Variants in LRRTM4 observed in about 807,000 individuals in gnomAD.
LRRTM4 encodes leucine rich repeat transmembrane neuronal 4, also known as leucine-rich repeat transmembrane neuronal protein 4.
LRRTM4 carries 25 observed loss-of-function variants against 47.6 expected under a neutral mutation model. The ratio of observed to expected loss-of-function variants is 0.53; its 90% CI spans 0.38 to 0.73. The LOEUF is 0.73. Ranked by LOEUF, LRRTM4 falls within the 30% of genes least tolerant of loss-of-function variation. LRRTM4 has a pLI of 0.00. For synonymous variants in LRRTM4, 311 were observed against 269.5 expected (o/e 1.15, Z -1.51); for missense variants, 638 against 713.4 (o/e 0.89, Z 1.20).
chr2:77,135,424 G>A (rs1437819485), intron 3 of LRRTM4, among the ~76,000 whole-genome samples: 1 of 152,160 alleles, frequency 6.6e-6, no homozygotes. Flanking sequence ...ACCCTAATGA[G>A]AACAAACTCT....
chr2:77,004,983 C>G lies in LRRTM4; in HGVS notation c.1552-256067G>C, dbSNP rs570009052. ...ATGGGTATATTTACCAATGCCTGTA[C>G]CCCAGTTGTATCTAAAAAGTAATTA... On this transcript the variant is annotated intron_variant, in intron 3 of 3. Coordinates refer to ENST00000409884, the MANE Select transcript of LRRTM4 (RefSeq NM_001134745.3). Among the ~76,000 whole-genome samples the G allele has an allele frequency of 1.3e-4, 20 of 152,198 alleles. 1 individual carries two copies. In the South Asian group the frequency reaches 3.3e-3, roughly 25 times the overall value.
chr2:77,285,357 T>TATATATATATATATATATATATATATAC (rs1225916450), intron 3 of LRRTM4, among the ~76,000 whole-genome samples: 1 of 143,114 alleles, frequency 7.0e-6, no homozygotes, highest in Non-Finnish European at 1.5e-5. Context: ...TATATATATA[T>TATATATATATATATATATATATATATAC]ATATATGGCC....
At chr2:77,045,101 T>A (rs1679190424) in intron 3 of LRRTM4, among the ~76,000 whole-genome samples, 1 of 151,902 alleles carries the variant, frequency 6.6e-6, no homozygotes, top group Non-Finnish European at 1.5e-5. Context: ...TTTAGCAGAA[T>A]ATACAAATGA....
intron 3 of LRRTM4, among the ~76,000 whole-genome samples, chr2:76,978,392 T>C (rs891531186): frequency 4.6e-5 from 7 of 152,208 alleles, no homozygotes; most frequent in Non-Finnish European, 1.5e-5. Context: ...TGATGATGAA[T>C]GGTAATGGCT....
chr2:76,898,269 A>T (rs1428286755), intron 3 of LRRTM4, among the ~76,000 whole-genome samples: 3 of 144,482 alleles, frequency 2.1e-5, no homozygotes, highest in Non-Finnish European at 4.4e-5. Flanking sequence ...AACAATTAGC[A>T]ATTTTAAATG....
In LRRTM4 at chr2:77,435,415, T is replaced by C. The variant is rs17014096; in HGVS notation, c.1551+82903A>G. Among the ~76,000 whole-genome samples the C allele has an allele frequency of 8.6e-3, 1,316 of 152,312 alleles. 19 individuals carry two copies. The highest frequency in any genetic ancestry group is 0.03 in the African/African-American group (1,248 of 41,574). ...GCTATTCCTTAAAGAAATTGCTGTATTGCTTAGCTAAACATTCTTAGGTCA... is the reference window on the plus strand; with the variant it reads ...GCTATTCCTTAAAGAAATTGCTGTACTGCTTAGCTAAACATTCTTAGGTCA... On this transcript the variant is annotated intron_variant, in intron 3 of 3. Coordinates refer to ENST00000409884, the MANE Select transcript of LRRTM4 (RefSeq NM_001134745.3).
chr2:76,812,766 C>T (rs1230048896), intron 3 of LRRTM4, among the ~76,000 whole-genome samples: 1 of 116,348 alleles, frequency 8.6e-6, no homozygotes, highest in South Asian at 3.1e-4. Context: ...TCTCCTCCTC[C>T]TCTCCCTCCC....
intron 3 of LRRTM4, among the ~76,000 whole-genome samples, chr2:77,115,269 A>T (rs1374782150): frequency 6.6e-6 from 1 of 152,148 alleles, no homozygotes; most frequent in Non-Finnish European, 1.5e-5. Context: ...CCTTATGGTT[A>T]TCTTCCCTTG....
At position 77,020,495 on chromosome 2, in the gene LRRTM4, T is replaced by A. The variant is rs1239100505; in HGVS notation, c.1552-271579A>T. 2.0e-5 allele frequency among the ~76,000 whole-genome samples: 3 copies of A among 152,140 alleles called. No individual in the cohort carries two copies. The East Asian group carries it at 5.8e-4, about 29-fold the overall frequency. ...AAAAGGTTTCTAAGAATCGTACATG[T>A]GTTGTCCCTCTAACCCTCTACCAAA... is the stretch of plus-strand genomic sequence containing the variant. On this transcript the variant is annotated intron_variant, in intron 3 of 3. Coordinates refer to ENST00000409884, the MANE Select transcript of LRRTM4 (RefSeq NM_001134745.3).
intron 3 of LRRTM4, among the ~76,000 whole-genome samples, chr2:77,265,869 A>G (rs1558660386): frequency 6.6e-6 from 1 of 152,224 alleles, no homozygotes. Context: ...ATGCAGTCAG[A>G]TTCTGACCTA....
At chr2:76,749,247 G>C (rs548098448) in intron 3 of LRRTM4, among the ~76,000 whole-genome samples, 1 of 152,218 alleles carries the variant, frequency 6.6e-6, no homozygotes, top group Admixed American at 6.5e-5. Context: ...TCCTACATTT[G>C]AATGTAGATC....
At position 76,799,603 on chromosome 2, in the gene LRRTM4, G is replaced by A. The variant is rs956070430; in HGVS notation, c.1552-50687C>T. ...CATAGTGTTGGAAGTTCTGGCCAGG[G>A]TAATTAGGCAGGAGAAGGAAATAAA... On this transcript the variant is annotated intron_variant, in intron 3 of 3. Coordinates refer to ENST00000409884, the MANE Select transcript of LRRTM4 (RefSeq NM_001134745.3). 2.0e-4 allele frequency among the ~76,000 whole-genome samples: 28 copies of A among 140,654 alleles called. 1 individual carries two copies. Among genetic ancestry groups the A allele is most frequent in the Admixed American group, 1.6e-3 (22 of 14,130 alleles). The allele number at this position is 140,654 out of a possible 152,430, so 92.3% of individuals were successfully genotyped here.
chr2:77,127,494 T>C (rs1458351705), intron 3 of LRRTM4, among the ~76,000 whole-genome samples: 2 of 152,214 alleles, frequency 1.3e-5, no homozygotes, highest in African/African-American at 2.4e-5. Flanking sequence ...CCTTCCACAC[T>C]GTACCAAAAT....
At chr2:77,196,649 G>A (rs890180197) in intron 3 of LRRTM4, among the ~76,000 whole-genome samples, 17 of 152,138 alleles carry the variant, frequency 1.1e-4, no homozygotes, top group Admixed American at 6.6e-4. Context: ...GCTGAGGCAG[G>A]AGAATCCTTT....
chr2:77,358,986 G>T (rs1457286993), intron 3 of LRRTM4, among the ~76,000 whole-genome samples: 2 of 151,970 alleles, frequency 1.3e-5, no homozygotes, highest in Admixed American at 6.6e-5. Flanking sequence ...AATGATGAAA[G>T]AATTTTACAT....
At position 77,241,995 on chromosome 2, in the gene LRRTM4, T is replaced by A. The variant is rs181061130; in HGVS notation, c.1551+276323A>T. On this transcript the variant is annotated intron_variant, in intron 3 of 3. Coordinates refer to ENST00000409884, the MANE Select transcript of LRRTM4 (RefSeq NM_001134745.3). ...TTTTCTATTCTCTTCTGTCAGTCCA[T>A]ACATCTGTCTTTATGCCATTATCAC... Among the ~76,000 whole-genome samples, 12 of 152,266 alleles carry A rather than the reference T, an allele frequency of 7.9e-5. 1 individual carries two copies. The highest frequency in any genetic ancestry group is 7.8e-4 in the Admixed American group (12 of 15,302).
chr2:76,797,613 C>G (rs1430442793), intron 3 of LRRTM4, among the ~76,000 whole-genome samples: 1 of 150,932 alleles, frequency 6.6e-6, no homozygotes, highest in East Asian at 2.0e-4. Context: ...TCACACATAA[C>G]AATATTAACT....
chr2:76,764,692 A>C (rs989500900), intron 3 of LRRTM4, among the ~76,000 whole-genome samples: 2 of 152,202 alleles, frequency 1.3e-5, no homozygotes, highest in Non-Finnish European at 2.9e-5. Flanking sequence ...AGTTTGAACT[A>C]AGGGAGACAG....
intron 3 of LRRTM4, among the ~76,000 whole-genome samples, chr2:77,511,628 T>C (rs1472158807): frequency 6.6e-6 from 1 of 151,990 alleles, no homozygotes; most frequent in Non-Finnish European, 1.5e-5. Context: ...GGTTATGGTA[T>C]TTATTATTAT....
Sources: allele counts gnomAD v4.1 joint callset (sites outside exome capture counted in the v4.1 genomes callset), GRCh38; gene constraint gnomAD v4.1.1; transcripts MANE v1.5; gene names NCBI Gene and HGNC (gene_info 2026-07-23, HGNC 2026-07-21).